VGF: variants seen among roughly 807,000 people sequenced by gnomAD.
The protein encoded by VGF is VGF nerve growth factor inducible.
Under a neutral mutation model 41.1 loss-of-function variants are expected in VGF, and 13 were observed. The observed-to-expected ratio is 0.32, with a 90% confidence interval of 0.21 to 0.50. The LOEUF (loss-of-function observed/expected upper bound fraction) is 0.50. VGF is among the 20% of genes least tolerant of loss of function. The pLI is 0.98. For synonymous variants in VGF, 473 were observed against 418.3 expected (o/e 1.13, Z -1.60); for missense variants, 920 against 882.1 (o/e 1.04, Z -0.54).
upstream of VGF, among the ~76,000 whole-genome samples, chr7:101,165,837 G>A (rs946471359): frequency 6.6e-6 from 1 of 152,240 alleles, no homozygotes; most frequent in South Asian, 2.1e-4. Context: ...AGGGCGGGGG[G>A]CTATGAATGA....
rs1036185965 is a variant in VGF, at chr7:101,163,424, C to T, written c.1420G>A (p.Glu474Lys). The change falls in exon 2 of 2, where the codon GAG (glutamate) becomes AAG (lysine). Residue 474 changes from glutamate (E) to lysine (K), a missense_variant. Physicochemically the swap from Glu to Lys is moderately conservative, Grantham distance 56. Around this residue, in one of 3 missense-constraint regions of VGF, gnomAD observed 257 missense variants for 217.2 expected, o/e 1.18. Transcript: ENST00000249330. This position sits in a 1 kb window ranked among gnomAD's most constrained non-coding sequence, Gnocchi z 5.0. ...CGCTTCCGCTTCTCCTCCACCTCCT[C>T]GATGATGCTGACCACGTCGTCCGCT... is the stretch of plus-strand genomic sequence containing the variant. ...LPADDVVSII[E>K]EVEEKRKRKK... 6.2e-7 allele frequency: 1 copy of T among 1,610,720 alleles called. No individual in the cohort carries two copies. The highest frequency in any genetic ancestry group is 8.5e-7 in the Non-Finnish European group (1 of 1,179,850).
chr7:101,163,065 C>T lies in VGF; in HGVS notation c.1779G>A (p.Glu593=), dbSNP rs750011774. The change falls in exon 2 of 2, where the codon GAG becomes GAA. Residue 593 remains glutamate, a synonymous_variant. Coordinates refer to ENST00000249330, the MANE Select transcript of VGF (RefSeq NM_003378.4). This position sits in a 1 kb window ranked among gnomAD's most constrained non-coding sequence, Gnocchi z 5.0. ...ARRAQEEAEA[E]ERRLQEQEEL... is the part of the protein sequence containing the mutation. ...CCTCCTGCTCCTGCAGCCGGCGCTCCTCCGCCTCCGCCTCCTCCTGCGCGC... is the reference window on the plus strand; with the variant it reads ...CCTCCTGCTCCTGCAGCCGGCGCTCTTCCGCCTCCGCCTCCTCCTGCGCGC... 5.7e-6 allele frequency: 9 copies of T among 1,572,416 alleles called. No individual in the cohort carries two copies. The Middle Eastern group carries it at 1.3e-3, about 221-fold the overall frequency.
chr7:101,164,575 A>T lies in VGF; in HGVS notation c.269T>A (p.Leu90His). 6.2e-7 allele frequency: 1 copy of T among 1,600,364 alleles called. No homozygotes were observed. The highest frequency in any genetic ancestry group is 1.1e-5 in the South Asian group (1 of 90,318). The change falls in exon 2 of 2, where the codon CTC becomes CAC. Residue 90 changes from leucine to histidine, a missense_variant. Around this residue, in one of 3 missense-constraint regions of VGF, gnomAD observed 654 missense variants for 638.4 expected, o/e 1.02. Coordinates refer to ENST00000249330, the MANE Select transcript of VGF (RefSeq NM_003378.4). ...RALAAVLLQA[L>H]DRPASPPAPS... ...TGCCGGGGGTGAGGCGGGACGGTCG[A>T]GTGCCTGCAGCAGCACCGCGGCCAG...
rs1250337395 is a variant in VGF at position 101,163,890 on chromosome 7, C to G, written c.954G>C (p.Ala318=). The G allele has an allele frequency of 2.0e-6, 3 of 1,481,162 alleles. No individual in the cohort carries two copies. The highest frequency in any genetic ancestry group is 2.6e-5 in the South Asian group (2 of 76,376). 91.8% of individuals were successfully genotyped at this position (1,481,162 alleles called of 1,614,324 possible). ...GGTCGGCCAGCCGCTCTTCCTGCGCCGCGGCCTGCCGCGTGGCCTCCGCCT... is the reference window on the plus strand; with the variant it reads ...GGTCGGCCAGCCGCTCTTCCTGCGCGGCGGCCTGCCGCGTGGCCTCCGCCT... The part of the protein sequence containing the change: ...RRQAEATRQA[A]AQEERLADLA... Residue 318 remains alanine (A), a synonymous_variant, in exon 2 of 2, where the codon GCG becomes GCC. Coordinates refer to ENST00000249330, the MANE Select transcript of VGF (RefSeq NM_003378.4). The surrounding 1 kb of genome is among the most constrained non-coding windows in gnomAD (Gnocchi z 5.0).
rs751774221 is a variant in VGF at position 101,163,829 on chromosome 7, C to T, written c.1015G>A (p.Gly339Ser). ...SDLLLQYLLQ[G>S]GARQRGLGGR... ...CCGAGGCCGCGCTGCCGGGCCCCGCCCTGCAGCAAATACTGGAGCAGCAGG... is the reference window on the plus strand; with the variant it reads ...CCGAGGCCGCGCTGCCGGGCCCCGCTCTGCAGCAAATACTGGAGCAGCAGG... Residue 339 changes from glycine to serine, a missense_variant, in exon 2 of 2, where the codon GGC becomes AGC. Physicochemically the swap from Gly to Ser is moderately conservative, Grantham distance 56. Coordinates refer to ENST00000249330, the MANE Select transcript of VGF (RefSeq NM_003378.4). The surrounding 1 kb of genome is among the most constrained non-coding windows in gnomAD (Gnocchi z 5.0). The T allele has an allele frequency of 5.2e-6, 8 of 1,530,570 alleles. No homozygotes were observed. In the Admixed American group the frequency reaches 1.6e-4, roughly 30 times the overall value. 94.8% of individuals were successfully genotyped at this position (1,530,570 alleles called of 1,614,324 possible).
Position 101,163,512 on chromosome 7 carries a change from G to T in VGF, c.1332C>A (p.Asp444Glu), listed in dbSNP as rs747650442. The part of the protein sequence containing the change: ...GTEEGGEEED[D>E]EEMDPQTIDS... ...CGATCGTCTGCGGATCCATCTCCTC[G>T]TCGTCCTCCTCCTCCCCGCCCTCCT... is the stretch of plus-strand genomic sequence containing the variant. The change falls in exon 2 of 2, where the codon GAC becomes GAA. Residue 444 changes from aspartate to glutamate, a missense_variant. By Grantham distance (45) the Asp-to-Glu change is conservative. Around this residue, in one of 3 missense-constraint regions of VGF, gnomAD observed 654 missense variants for 638.4 expected, o/e 1.02. Transcript: ENST00000249330. This position sits in a 1 kb window ranked among gnomAD's most constrained non-coding sequence, Gnocchi z 5.0. 6 of 1,611,302 alleles carry T rather than the reference G, an allele frequency of 3.7e-6. No homozygotes were observed. Among genetic ancestry groups the T allele is most frequent in the Non-Finnish European group, 5.1e-6 (6 of 1,179,222 alleles).
chr7:101,164,276 G>T lies in VGF; in HGVS notation c.568C>A (p.His190Asn), dbSNP rs759017166. The T allele has an allele frequency of 1.2e-6, 2 of 1,605,534 alleles. No homozygotes were observed. The highest frequency in any genetic ancestry group is 8.5e-7 in the Non-Finnish European group (1 of 1,179,376). Residue 190 changes from histidine to asparagine, a missense_variant, in exon 2 of 2, where the codon CAC becomes AAC. Coordinates refer to ENST00000249330, the MANE Select transcript of VGF (RefSeq NM_003378.4). ...TAAAETETRT[H>N]TLTRVNLESP... is the part of the protein sequence containing the mutation. The stretch of plus-strand genomic sequence containing the variant: ...TCCAGATTCACTCGGGTCAGCGTGT[G>T]CGTGCGGGTTTCCGTCTCTGCTGCC...
In VGF at chr7:101,164,241, C is replaced by G. The variant is rs768831007; in HGVS notation, c.603G>C (p.Gly201=). 4.4e-6 allele frequency: 7 copies of G among 1,588,068 alleles called. No homozygotes were observed. The highest frequency in any genetic ancestry group is 6.0e-6 in the Non-Finnish European group (7 of 1,170,364). ...AGGAAGCGCGCCATACGCGCTCTGG[C>G]CCCGGGCTCTCCAGATTCACTCGGG... ...TLTRVNLESP[G]PERVWRASWG... Residue 201 remains glycine, a synonymous_variant, in exon 2 of 2, where the codon GGG becomes GGC. Transcript: ENST00000249330.
chr7:101,165,105 T>G, intron 1 of VGF: 1 of 1,206,006 alleles, frequency 8.3e-7, no homozygotes, highest in Middle Eastern at 3.3e-4. Context: ...GCCCCTTCCC[T>G]GAGCCATCTC....
In VGF at chr7:101,164,018, A is replaced by G; in HGVS notation, c.826T>C (p.Phe276Leu). 1 of 1,477,428 alleles carries G rather than the reference A, an allele frequency of 6.8e-7. No individual in the cohort carries two copies. The highest frequency in any genetic ancestry group is 8.9e-7 in the Non-Finnish European group (1 of 1,127,170). The allele number at this position is 1,477,428 out of a possible 1,614,324, so 91.5% of individuals were successfully genotyped here. A position where few individuals can be genotyped will look rare whatever the true frequency, so the allele number is the denominator to read the frequency against. The change falls in exon 2 of 2, where the codon TTC (phenylalanine) becomes CTC (leucine). Residue 276 changes from phenylalanine (F) to leucine (L), a missense_variant. Transcript: ENST00000249330. The part of the protein sequence containing the change: ...SKAYQGVAAP[F>L]PKARRPESAL... Reference sequence around the variant, plus strand: ...CTCTCCGGCCGGCGCGCCTTGGGGAACGGGGCGGCCACGCCTTGGTACGCC... The same window carrying G: ...CTCTCCGGCCGGCGCGCCTTGGGGAGCGGGGCGGCCACGCCTTGGTACGCC...
In VGF at chr7:101,163,407, C is replaced by T; in HGVS notation, c.1437G>A (p.Lys479=). The T allele has an allele frequency of 1.9e-6, 3 of 1,606,064 alleles. No individual in the cohort carries two copies. The highest frequency in any genetic ancestry group is 2.5e-6 in the Non-Finnish European group (3 of 1,179,386). Residue 479 remains lysine, a synonymous_variant, in exon 2 of 2, where the codon AAG becomes AAA. Transcript: ENST00000249330. The surrounding 1 kb of genome is among the most constrained non-coding windows in gnomAD (Gnocchi z 5.0). ...VVSIIEEVEE[K]RKRKKNAPPE... is the part of the protein sequence containing the mutation. ...GAGGGGCGTTCTTCTTCCGCTTCCGCTTCTCCTCCACCTCCTCGATGATGC... is the reference window on the plus strand; with the variant it reads ...GAGGGGCGTTCTTCTTCCGCTTCCGTTTCTCCTCCACCTCCTCGATGATGC...
At position 101,162,757 on chromosome 7, in the gene VGF, C is replaced by G. The variant is rs1375070928; in HGVS notation, c.*239G>C. On this transcript the variant is annotated 3_prime_UTR_variant, in exon 2 of 2. Transcript: ENST00000249330. The surrounding 1 kb of genome is among the most constrained non-coding windows in gnomAD (Gnocchi z 4.2). ...CGGGGCCCCGCGTGGCAAGGGAACT[C>G]GCACAAACCACCCGCCCTCCTGGGC... 2 of 626,230 alleles carry G rather than the reference C, an allele frequency of 3.2e-6. No individual in the cohort carries two copies. The highest frequency in any genetic ancestry group is 5.9e-6 in the Non-Finnish European group (2 of 336,952). 38.8% of individuals were successfully genotyped at this position (626,230 alleles called of 1,614,324 possible).
chr7:101,169,195 C>A (rs369003327), upstream of VGF, among the ~76,000 whole-genome samples: 52 of 151,860 alleles, frequency 3.4e-4, no homozygotes, highest in African/African-American at 1.2e-3. Context: ...GGAGACCCAG[C>A]AAGCGGGGGA....
At chr7:101,164,962 C>A in intron 1 of VGF, 99 bp from the exon 2 acceptor site, 2 of 1,418,980 alleles carry the variant, frequency 1.4e-6, no homozygotes, top group Non-Finnish European at 1.8e-6. Flanking sequence ...AAACCCGGGG[C>A]TTCCCTGATC....
chr7:101,168,473 G>T (rs1056849932), upstream of VGF, among the ~76,000 whole-genome samples: 4 of 152,186 alleles, frequency 2.6e-5, no homozygotes, highest in South Asian at 8.3e-4. Flanking sequence ...GGGGCTTCTG[G>T]ACTGGGCACA....
At chr7:101,167,380 A>G (rs1474108553), upstream of VGF, among the ~76,000 whole-genome samples, 1 of 151,388 alleles carries the variant, frequency 6.6e-6, no homozygotes, top group African/African-American at 2.4e-5. This position sits in a 1 kb window ranked among gnomAD's most constrained non-coding sequence, Gnocchi z 4.2. Context: ...GGAGATTCCA[A>G]AGAAAGGAGG....
At position 101,164,172 on chromosome 7, in the gene VGF, C is replaced by T. The variant is rs761667816; in HGVS notation, c.672G>A (p.Pro224=). 9 of 1,511,898 alleles carry T rather than the reference C, an allele frequency of 6.0e-6. No individual in the cohort carries two copies. In the African/African-American group the frequency reaches 1.3e-4, roughly 21 times the overall value. The allele number at this position is 1,511,898 out of a possible 1,614,324, so 93.7% of individuals were successfully genotyped here. A position where few individuals can be genotyped will look rare whatever the true frequency, so the allele number is the denominator to read the frequency against. The change falls in exon 2 of 2, where the codon CCG becomes CCA. Residue 224 remains proline (P), a synonymous_variant. Transcript: ENST00000249330. ...CCTGGAATTGAGAGGGGGCCGGGGG[C>T]GGCAGGGGCGCGCGCTCCGGGACAC... ...QARVPERAPL[P]PPAPSQFQAR...
rs1797182642 is a variant in VGF at position 101,164,497 on chromosome 7, GT to G, written c.346del (p.Thr116ProfsTer44). The G allele has an allele frequency of 1.9e-6, 3 of 1,601,072 alleles. No homozygotes were observed. The highest frequency in any genetic ancestry group is 2.5e-6 in the Non-Finnish European group (3 of 1,179,180). On this transcript the variant is annotated frameshift_variant, in exon 2 of 2. Coordinates refer to ENST00000249330, the MANE Select transcript of VGF (RefSeq NM_003378.4). LOFTEE classifies it high-confidence loss of function. ...GTGGGTCTGGCTGCGCACGGTCTCG[GT>G]CAGCAGAGCTTCAGCTGCTTCTTCC... Reference protein sequence around the residue: ...PEEEAAEALLTETVRSQTHSL... With the variant: ...PEEEAAEALLXETVRSQTHSL...
Position 101,164,634 on chromosome 7 carries a change from CTCG to C in VGF, c.207_209del (p.Asp69del). 3 of 1,596,784 alleles carry C rather than the reference CTCG, an allele frequency of 1.9e-6. No homozygotes were observed. Among genetic ancestry groups the C allele is most frequent in the Non-Finnish European group, 2.6e-6 (3 of 1,171,848 alleles). ...GATCCACGCCCTGGAAAAGCTCTCC[CTCG>C]TCCTGCGGCTCGGAATTCCGAGCGC... On this transcript the variant is annotated inframe_deletion, in exon 2 of 2. Coordinates refer to ENST00000249330, the MANE Select transcript of VGF (RefSeq NM_003378.4).
Sources: allele counts gnomAD v4.1 joint callset (sites outside exome capture counted in the v4.1 genomes callset), GRCh38; gene constraint gnomAD v4.1.1; regional missense constraint gnomAD v4.1.1; non-coding constraint Gnocchi (gnomAD v3.1); transcripts MANE v1.5; gene names NCBI Gene and HGNC (gene_info 2026-07-23, HGNC 2026-07-21).